Variants in IGF2BP2 observed in about 807,000 individuals in gnomAD.
IGF2BP2 encodes the protein insulin like growth factor 2 mRNA binding protein 2.
In IGF2BP2, 17 loss-of-function variants were observed where a neutral mutation model predicts 75.8. That is an observed-to-expected ratio of 0.22 (90% CI 0.15 to 0.34). The LOEUF is 0.34. IGF2BP2 is among the 10% of genes least tolerant of loss of function. IGF2BP2 has a pLI of 1.00. For missense variants in IGF2BP2, 516 were observed against 772.4 expected (o/e 0.67, Z 3.93); for synonymous variants, 288 against 295.6 (o/e 0.97, Z 0.26).
At chr3:185,707,176 G>C (rs1169743729) in intron 2 of IGF2BP2, among the ~76,000 whole-genome samples, 2 of 130,838 alleles carry the variant, frequency 1.5e-5, no homozygotes, top group African/African-American at 6.0e-5. Flanking sequence ...GGTGAGCCAA[G>C]ATCGCATCAC....
intron 2 of IGF2BP2, among the ~76,000 whole-genome samples, chr3:185,709,667 T>G (rs1273370928): frequency 6.6e-6 from 1 of 152,216 alleles, no homozygotes; most frequent in Non-Finnish European, 1.5e-5. Flanking sequence ...GAAAATTAAA[T>G]TCATCTATAA....
intron 2 of IGF2BP2, among the ~76,000 whole-genome samples, chr3:185,760,965 A>G (rs1346818899): frequency 6.6e-6 from 1 of 151,932 alleles, no homozygotes; most frequent in African/African-American, 2.4e-5. Context: ...CATTTTTCTT[A>G]TATTTTCTTA....
chr3:185,722,488 T>G, intron 2 of IGF2BP2: 1 of 293,186 alleles, frequency 3.4e-6, no homozygotes, highest in Non-Finnish European at 6.6e-6. Context: ...AGTTTTCAAT[T>G]TTATGTCATT....
chr3:185,789,803 G>A (rs896976801), intron 2 of IGF2BP2, among the ~76,000 whole-genome samples: 1 of 141,010 alleles, frequency 7.1e-6, no homozygotes, highest in African/African-American at 2.7e-5. Flanking sequence ...GCACAATCCT[G>A]GCTCACTGCA....
intron 2 of IGF2BP2, among the ~76,000 whole-genome samples, chr3:185,798,289 T>C (rs1218183771): frequency 6.6e-6 from 1 of 152,160 alleles, no homozygotes; most frequent in Non-Finnish European, 1.5e-5. Flanking sequence ...CGGTGTTTTA[T>C]TCACCTCCAG....
intron 5 of IGF2BP2, 77 bp from the exon 6 acceptor site, chr3:185,689,704 C>T (rs1400313484): frequency 5.1e-6 from 8 of 1,561,842 alleles, no homozygotes; most frequent in African/African-American, 1.4e-5. Flanking sequence ...CGCGGTGGCT[C>T]ACGCCTGTAA....
At chr3:185,821,803 A>G (rs1279215457) in intron 2 of IGF2BP2, among the ~76,000 whole-genome samples, 1 of 152,198 alleles carries the variant, frequency 6.6e-6, no homozygotes, top group African/African-American at 2.4e-5. Context: ...AGTAATTTAT[A>G]TTTGTTGTAA....
At chr3:185,690,755 T>C (rs760506139) in intron 5 of IGF2BP2, among the ~76,000 whole-genome samples, 2 of 152,204 alleles carry the variant, frequency 1.3e-5, no homozygotes, top group Non-Finnish European at 2.9e-5. Flanking sequence ...TGTCCTTGAA[T>C]CTTCAAATGC....
chr3:185,660,709 C>G (rs1377962426), intron 10 of IGF2BP2, among the ~76,000 whole-genome samples: 1 of 152,158 alleles, frequency 6.6e-6, no homozygotes, highest in East Asian at 1.9e-4. Flanking sequence ...TTCTAAGGAC[C>G]CCCTGGAAAG....
At position 185,646,542 on chromosome 3, in the gene IGF2BP2, C is replaced by T. The variant is rs1713585287; in HGVS notation, c.1707+483G>A. ...AAAGAGAAGCGGCTGTGTGGAGGTG[C>T]AGTATTTTGATAGGGTGGGTTGTGG... On this transcript the variant is annotated intron_variant, in intron 15 of 15. Transcript: ENST00000382199. 2.0e-5 allele frequency among the ~76,000 whole-genome samples: 3 copies of T among 152,228 alleles called. No individual in the cohort carries two copies. The South Asian group carries it at 6.2e-4, about 32-fold the overall frequency.
chr3:185,746,179 A>G (rs781166895), intron 2 of IGF2BP2, among the ~76,000 whole-genome samples: 2 of 152,208 alleles, frequency 1.3e-5, no homozygotes, highest in Non-Finnish European at 2.9e-5. Flanking sequence ...ATTCAATTCT[A>G]ATCCCTGATT....
At chr3:185,820,373 C>T (rs1251863378) in intron 2 of IGF2BP2, among the ~76,000 whole-genome samples, 1 of 151,656 alleles carries the variant, frequency 6.6e-6, no homozygotes, top group Non-Finnish European at 1.5e-5. Context: ...CAGTTTTTTC[C>T]TCTTTAATAA....
chr3:185,747,476 C>T (rs1350018705), intron 2 of IGF2BP2, among the ~76,000 whole-genome samples: 4 of 152,000 alleles, frequency 2.6e-5, no homozygotes, highest in African/African-American at 9.7e-5. Flanking sequence ...GTCAGAACTT[C>T]GAGACAAGCC....
At chr3:185,786,732 G>A (rs931202424) in intron 2 of IGF2BP2, among the ~76,000 whole-genome samples, 2 of 152,056 alleles carry the variant, frequency 1.3e-5, no homozygotes, top group Non-Finnish European at 2.9e-5. Flanking sequence ...ATGGACGCGC[G>A]TGACAGAACC....
chr3:185,677,001 T>C (rs536966237), intron 7 of IGF2BP2, among the ~76,000 whole-genome samples: 45 of 130,260 alleles, frequency 3.5e-4, no homozygotes, highest in African/African-American at 1.3e-3. Flanking sequence ...TATATATATA[T>C]GGAGAGATTA....
At chr3:185,776,426 A>T (rs1734538483) in intron 2 of IGF2BP2, among the ~76,000 whole-genome samples, 2 of 152,274 alleles carry the variant, frequency 1.3e-5, no homozygotes, top group South Asian at 2.1e-4. Context: ...TGGAAAAAGT[A>T]AAAAGTGAGG....
chr3:185,670,898 T>A (rs1718404352), intron 10 of IGF2BP2, among the ~76,000 whole-genome samples: 3 of 152,184 alleles, frequency 2.0e-5, no homozygotes. Flanking sequence ...ATTGGTCTAA[T>A]TTATTATGCC....
rs1713398126 is a variant in IGF2BP2 at position 185,645,718 on chromosome 3, T to A, written c.1708-95A>T. On this transcript the variant is annotated intron_variant, in intron 15 of 15. Transcript: ENST00000382199. This position sits in a 1 kb window ranked among gnomAD's most constrained non-coding sequence, Gnocchi z 4.9. The stretch of plus-strand genomic sequence containing the variant: ...CAGGGGAGGCTCTGGGGCTTGGGGA[T>A]GAAGGGTGGAATGCTCAGACAAGCA... 1 of 873,096 alleles carries A rather than the reference T, an allele frequency of 1.1e-6. No individual in the cohort carries two copies. The highest frequency in any genetic ancestry group is 1.4e-5 in the South Asian group (1 of 71,658). The allele number at this position is 873,096 out of a possible 1,614,324, so 54.1% of individuals were successfully genotyped here. A position where few individuals can be genotyped will look rare whatever the true frequency, so the allele number is the denominator to read the frequency against.
intron 12 of IGF2BP2, among the ~76,000 whole-genome samples, chr3:185,652,782 C>T (rs2149067858): frequency 6.6e-6 from 1 of 152,210 alleles, no homozygotes; most frequent in Middle Eastern, 3.4e-3. Context: ...CCTCGCTGTG[C>T]CTCCATTCCC....
Sources: allele counts gnomAD v4.1 joint callset (sites outside exome capture counted in the v4.1 genomes callset), GRCh38; gene constraint gnomAD v4.1.1; non-coding constraint Gnocchi (gnomAD v3.1); transcripts MANE v1.5; gene names NCBI Gene and HGNC (gene_info 2026-07-23, HGNC 2026-07-21).